SYMPK: variants seen among roughly 807,000 people sequenced by gnomAD.
SYMPK encodes symplekin.
In SYMPK, 49 loss-of-function variants were observed where a neutral mutation model predicts 136.4. The ratio of observed to expected loss-of-function variants is 0.36; its 90% CI spans 0.29 to 0.46. The LOEUF is 0.46. SYMPK is among the 20% of genes least tolerant of loss of function. The pLI, the probability that SYMPK is intolerant of heterozygous loss-of-function variation, is 1.00. For missense variants in SYMPK, 1,365 were observed against 1,690.0 expected, an observed-to-expected ratio of 0.81 and a Z score of 3.37; for synonymous variants, 766 against 713.0, an observed-to-expected ratio of 1.07 and a Z score of -1.19.
chr19:45,836,678 G>A (rs542190515), intron 10 of SYMPK, among the ~76,000 whole-genome samples: 1 of 151,530 alleles, frequency 6.6e-6, no homozygotes, highest in South Asian at 2.1e-4. Flanking sequence ...TTACTCTATT[G>A]TCCAGGCTGG....
At chr19:45,862,641 G>C (rs938055582) in intron 1 of SYMPK, 2 of 163,464 alleles carry the variant, frequency 1.2e-5, no homozygotes, top group Admixed American at 1.3e-4. Context: ...GGGCTTCGCA[G>C]AGGAAGTGAC....
At chr19:45,838,382 T>C in intron 10 of SYMPK, 79 bp downstream of exon 10, 2 of 1,498,036 alleles carry the variant, frequency 1.3e-6, no homozygotes, top group South Asian at 2.5e-5. Context: ...AGGTGGATGG[T>C]GTGAAGTGGA....
At chr19:45,861,098 T>C (rs1971956536) in intron 1 of SYMPK, among the ~76,000 whole-genome samples, 1 of 151,618 alleles carries the variant, frequency 6.6e-6, no homozygotes, top group Non-Finnish European at 1.5e-5. Context: ...AGTCAAAACA[T>C]AAAAAAAACA....
At chr19:45,824,071 A>G (rs1970976789) in intron 18 of SYMPK, 196 bp from the exon 19 acceptor site, 1 of 514,138 alleles carries the variant, frequency 1.9e-6, no homozygotes, top group Non-Finnish European at 3.5e-6. Context: ...GCTCCTCCAG[A>G]CATGGGCCTG....
intron 7 of SYMPK, among the ~76,000 whole-genome samples, chr19:45,846,295 T>C (rs957809997): frequency 6.6e-6 from 1 of 152,202 alleles, no homozygotes; most frequent in African/African-American, 2.4e-5. Context: ...CTTAATAGAA[T>C]GTAATGTAAC....
chr19:45,856,416 T>C (rs935470999), intron 1 of SYMPK, among the ~76,000 whole-genome samples: 1 of 152,076 alleles, frequency 6.6e-6, no homozygotes, highest in Non-Finnish European at 1.5e-5. Context: ...GGACAATACA[T>C]GCAGTTCAAG....
intron 18 of SYMPK, 97 bp from the exon 19 acceptor site, chr19:45,823,972 C>T: frequency 2.5e-6 from 2 of 815,404 alleles, no homozygotes; most frequent in Non-Finnish European, 2.0e-6. Context: ...TGCTGGCGCC[C>T]AGGGTGAGAC....
At chr19:45,842,987 A>C in intron 8 of SYMPK, 1 of 157,950 alleles carries the variant, frequency 6.3e-6, no homozygotes, top group South Asian at 1.8e-4. Flanking sequence ...AACACAACCC[A>C]CTCTCCGTTA....
chr19:45,862,133 G>C (rs1160086501), intron 1 of SYMPK: 1 of 151,910 alleles, frequency 6.6e-6, no homozygotes, highest in African/African-American at 2.4e-5. Context: ...TCAGTGTATA[G>C]AGATTTTCAT....
chr19:45,855,526 G>A (rs893087424), intron 1 of SYMPK: 10 of 151,872 alleles, frequency 6.6e-5, no homozygotes, highest in African/African-American at 1.9e-4. Flanking sequence ...GTGAAAGTAA[G>A]TGAAAAACAT....
intron 1 of SYMPK, among the ~76,000 whole-genome samples, chr19:45,860,700 G>C (rs1194414849): frequency 6.6e-6 from 1 of 152,108 alleles, no homozygotes; most frequent in Non-Finnish European, 1.5e-5. Context: ...CTGGAGTGCA[G>C]TGCCGCAATC....
intron 5 of SYMPK, among the ~76,000 whole-genome samples, chr19:45,852,040 A>G (rs894952250): frequency 2.2e-4 from 33 of 152,262 alleles, no homozygotes; most frequent in Non-Finnish European, 1.2e-4. Flanking sequence ...GAAGTGATTG[A>G]CAAACGGTCA....
At position 45,816,533 on chromosome 19, in the gene SYMPK, G is replaced by T; in HGVS notation, c.3303C>A (p.Ser1101Arg). Residue 1101 changes from serine (S) to arginine (R), a missense_variant, in exon 25 of 27, where the codon AGC (serine) becomes AGA (arginine). This residue lies in a region of SYMPK where 341 missense variants were observed against 270.5 expected (regional missense o/e 1.26). Coordinates refer to ENST00000245934, the MANE Select transcript of SYMPK (RefSeq NM_004819.3). ...PNSIMTILEASGKQEPEAKEA... is the reference protein window; with the variant it reads ...PNSIMTILEARGKQEPEAKEA... ...CCTTGGCCTCTGGCTCCTGCTTGCC[G>T]CTGGCCTCCAAGATGGTCATGATGG... is the stretch of plus-strand genomic sequence containing the variant. The T allele has an allele frequency of 6.2e-7, 1 of 1,613,646 alleles. No homozygotes were observed. Among genetic ancestry groups the T allele is most frequent in the Non-Finnish European group, 8.5e-7 (1 of 1,179,970 alleles).
chr19:45,827,426 A>G, intron 16 of SYMPK, 84 bp downstream of exon 16: 1 of 897,698 alleles, frequency 1.1e-6, no homozygotes, highest in Non-Finnish European at 1.8e-6. Context: ...GGGAGTGTGG[A>G]AGACGTGGGC....
intron 22 of SYMPK, among the ~76,000 whole-genome samples, chr19:45,818,670 CAG>C (rs1970811590): frequency 6.6e-6 from 1 of 152,138 alleles, no homozygotes; most frequent in Non-Finnish European, 1.5e-5. Flanking sequence ...TGGGCACAAT[CAG>C]AGTAATAGCG....
rs17850110 is a variant in SYMPK, at chr19:45,838,566, C to G, written c.1137G>C (p.Pro379=). The change falls in exon 10 of 27, where the codon CCG becomes CCC. Residue 379 remains proline (P), a synonymous_variant. Transcript: ENST00000245934. ...GCGCTGAGGCCTTCGAGGTCCCCGA[C>G]GGGCCTGGCTCCAAGTCTTTGTCCT... ...DDEDKDLEPG[P]SGTSKASAQI... is the part of the protein sequence containing the mutation. The G allele has an allele frequency of 5.4e-5, 87 of 1,613,982 alleles. No homozygotes were observed. In the African/African-American group the frequency reaches 1.0e-3, roughly 19 times the overall value.
chr19:45,852,584 G>C, intron 3 of SYMPK, 49 bp from the exon 4 acceptor site: 1 of 1,608,788 alleles, frequency 6.2e-7, no homozygotes, highest in Non-Finnish European at 8.5e-7. Flanking sequence ...ATAAAACGAG[G>C]GGCCAATCAA....
chr19:45,834,523 ATG>A (rs1283725380), intron 11 of SYMPK, among the ~76,000 whole-genome samples: 1 of 115,054 alleles, frequency 8.7e-6, no homozygotes, highest in Non-Finnish European at 2.0e-5. Context: ...TTAGCTCATT[ATG>A]AGCTAAACAT....
intron 10 of SYMPK, among the ~76,000 whole-genome samples, chr19:45,838,209 A>G (rs888106792): frequency 2.6e-5 from 4 of 151,940 alleles, no homozygotes; most frequent in African/African-American, 9.7e-5. Context: ...CTGCTCTGCC[A>G]CACGAGATGC....
Sources: gnomAD v4.1 joint callset for allele counts (sites outside exome capture counted in the v4.1 genomes callset) on GRCh38, gnomAD v4.1.1 for gene constraint, gnomAD v4.1.1 regional missense constraint, MANE v1.5 for transcripts, NCBI Gene and HGNC (gene_info 2026-07-23, HGNC 2026-07-21) for gene names.